NFIB: variants seen among roughly 807,000 people sequenced by gnomAD.
The protein encoded by NFIB is nuclear factor I B, also known as nuclear factor 1 B-type.
Under a neutral mutation model 61.5 loss-of-function variants are expected in NFIB, and 11 were observed. The observed-to-expected ratio is 0.18, with a 90% CI of 0.11 to 0.30. NFIB has a LOEUF of 0.30. NFIB is among the 10% of genes least tolerant of loss of function. The probability of loss-of-function intolerance (pLI) is 1.00; values close to 1 mark genes in which losing one functional copy is unlikely to be tolerated. For synonymous variants in NFIB, 260 were observed against 216.5 expected, an observed-to-expected ratio of 1.20 and a Z score of -1.76; for missense variants, 471 against 608.9, an observed-to-expected ratio of 0.77 and a Z score of 2.38.
chr9:14,445,040 G>A, the NFIB span, among the ~76,000 whole-genome samples: 2 of 152,138 alleles, frequency 1.3e-5, no homozygotes, highest in African/African-American at 2.4e-5. Context: ...CTCATGATAT[G>A]TTTGTGAGCT....
chr9:14,473,199 G>T, the NFIB span, among the ~76,000 whole-genome samples: 2 of 152,188 alleles, frequency 1.3e-5, no homozygotes, highest in African/African-American at 4.8e-5. Flanking sequence ...TGAAGGACAG[G>T]CTATGTTTCA....
the NFIB span, among the ~76,000 whole-genome samples, chr9:14,498,658 A>C: frequency 2.0e-5 from 3 of 152,174 alleles, no homozygotes; most frequent in Non-Finnish European, 4.4e-5. Flanking sequence ...TCCAAATCAC[A>C]GGGAGTGTGA....
chr9:14,191,589 A>C (rs75658568), intron 2 of NFIB, among the ~76,000 whole-genome samples: 1 of 152,198 alleles, frequency 6.6e-6, no homozygotes, highest in African/African-American at 2.4e-5. Flanking sequence ...TAGAGATTCA[A>C]ATCAATTCCT....
chr9:14,111,257 C>T (rs781058489), intron 10 of NFIB, among the ~76,000 whole-genome samples: 15 of 151,966 alleles, frequency 9.9e-5, no homozygotes, highest in Admixed American at 1.3e-4. Flanking sequence ...AGAAGTAATT[C>T]TTATGTTAAT....
chr9:14,406,616 C>G, the NFIB span, among the ~76,000 whole-genome samples: 11 of 152,124 alleles, frequency 7.2e-5, no homozygotes, highest in Admixed American at 1.3e-4. Context: ...CTAGCTGTTC[C>G]TCTTTCTTAC....
the NFIB span, among the ~76,000 whole-genome samples, chr9:14,418,023 C>A: frequency 1.3e-5 from 2 of 152,026 alleles, no homozygotes; most frequent in Non-Finnish European, 2.9e-5. Context: ...AGGTGATCCA[C>A]CCACCTCGGC....
chr9:14,300,460 G>A (rs964421853), intron 2 of NFIB, among the ~76,000 whole-genome samples: 3 of 152,132 alleles, frequency 2.0e-5, no homozygotes, highest in African/African-American at 7.2e-5. Flanking sequence ...ACTTCAAACT[G>A]GAAAATGCTA....
intron 3 of NFIB, among the ~76,000 whole-genome samples, chr9:14,179,352 T>G (rs1283827385): frequency 6.6e-6 from 1 of 152,160 alleles, no homozygotes; most frequent in Non-Finnish European, 1.5e-5. Flanking sequence ...TAATGAGAGT[T>G]GATAAACTAT....
intron 10 of NFIB, among the ~76,000 whole-genome samples, chr9:14,097,726 T>G (rs1228362098): frequency 2.6e-5 from 4 of 152,092 alleles, no homozygotes; most frequent in African/African-American, 9.7e-5. Flanking sequence ...TGTTTAAATA[T>G]TCATTCTTTT....
intron 2 of NFIB, among the ~76,000 whole-genome samples, chr9:14,264,062 A>C (rs1046894568): frequency 6.6e-6 from 1 of 152,206 alleles, no homozygotes; most frequent in Admixed American, 6.5e-5. Context: ...ATTTTAATGT[A>C]CAAAGGAAGA....
chr9:14,459,268 A>T, the NFIB span, among the ~76,000 whole-genome samples: 1 of 152,246 alleles, frequency 6.6e-6, no homozygotes, highest in Non-Finnish European at 1.5e-5. Flanking sequence ...AAATGGGGAA[A>T]GGATTCTCTA....
chr9:14,113,340 A>T (rs1363547283), intron 9 of NFIB, among the ~76,000 whole-genome samples: 1 of 152,204 alleles, frequency 6.6e-6, no homozygotes, highest in East Asian at 1.9e-4. Flanking sequence ...TCTCACACTT[A>T]CATGCTCTAG....
chr9:14,169,044 T>C (rs748944834), intron 3 of NFIB, among the ~76,000 whole-genome samples: 6 of 152,222 alleles, frequency 3.9e-5, no homozygotes, highest in Admixed American at 1.3e-4. Context: ...CTTACTTATT[T>C]AGAAAATACT....
At chr9:14,427,199 C>T in the NFIB span, among the ~76,000 whole-genome samples, 7 of 152,118 alleles carry the variant, frequency 4.6e-5, no homozygotes, top group African/African-American at 1.7e-4. Flanking sequence ...TCTATGGAGG[C>T]AAAGATAATA....
chr9:14,308,604 G>C (rs1468810884), intron 1 of NFIB, among the ~76,000 whole-genome samples: 2 of 152,200 alleles, frequency 1.3e-5, no homozygotes, highest in African/African-American at 4.8e-5. Context: ...CTGTGGTGGG[G>C]TGACACTGCT....
At chr9:14,286,456 AT>A (rs887191287) in intron 2 of NFIB, among the ~76,000 whole-genome samples, 1 of 152,138 alleles carries the variant, frequency 6.6e-6, no homozygotes, top group Non-Finnish European at 1.5e-5. Flanking sequence ...CTACAAAAAT[AT>A]TTTTTGTCAT....
At chr9:14,383,800 C>T (rs2061517921) in intron 1 of NFIB, among the ~76,000 whole-genome samples, 2 of 152,306 alleles carry the variant, frequency 1.3e-5, no homozygotes, top group South Asian at 4.1e-4. Flanking sequence ...ACTATATCGC[C>T]ATATCTAAAG....
Position 14,113,045 on chromosome 9 carries a change from T to C in NFIB, c.1421A>G (p.Tyr474Cys), listed in dbSNP as rs1229192723. ...TASGTSQANR[Y>C]VGLSPRDPSF... Reference sequence around the variant, plus strand: ...TGGGTCTCTTGGGCTTAGTCCCACATATCGATTGGCTTGAGATGTGCCTGA... The same window carrying C: ...TGGGTCTCTTGGGCTTAGTCCCACACATCGATTGGCTTGAGATGTGCCTGA... Residue 474 changes from tyrosine to cysteine, a missense_variant, in exon 10 of 11, where the codon TAT becomes TGT. Physicochemically the swap from Tyr to Cys is radical, Grantham distance 194. Coordinates refer to ENST00000380953, the MANE Select transcript of NFIB (RefSeq NM_001190737.2). The C allele has an allele frequency of 1.7e-5, 27 of 1,550,212 alleles. No individual in the cohort carries two copies. The highest frequency in any genetic ancestry group is 2.2e-5 in the Non-Finnish European group (25 of 1,146,866).
intron 3 of NFIB, among the ~76,000 whole-genome samples, chr9:14,166,166 T>C (rs2044763244): frequency 6.6e-6 from 1 of 152,194 alleles, no homozygotes; most frequent in Admixed American, 6.5e-5. Context: ...ACCTTAATTG[T>C]TACTATTCTC....
Sources: gnomAD v4.1 joint callset for allele counts (sites outside exome capture counted in the v4.1 genomes callset) on GRCh38, gnomAD v4.1.1 for gene constraint, MANE v1.5 for transcripts, NCBI Gene and HGNC (gene_info 2026-07-23, HGNC 2026-07-21) for gene names.